Variants in STX12 observed in about 807,000 individuals in gnomAD.
The protein encoded by STX12 is syntaxin-12.
STX12 carries 17 observed loss-of-function variants against 42.2 expected under a neutral mutation model. That is an observed-to-expected ratio of 0.40 (90% CI 0.28 to 0.60). STX12 has a LOEUF of 0.60. Among genes scored for constraint, STX12 ranks in the 20% least tolerant of loss-of-function variants. The probability of loss-of-function intolerance (pLI) is 0.39; values close to 1 mark genes in which losing one functional copy is unlikely to be tolerated. For missense variants in STX12, 297 were observed against 330.9 expected (o/e 0.90, Z 0.79); for synonymous variants, 108 against 116.7 (o/e 0.93, Z 0.48).
chr1:27,804,094 CTT>C (rs1269020735), intron 4 of STX12, among the ~76,000 whole-genome samples: 2 of 152,080 alleles, frequency 1.3e-5, no homozygotes, highest in African/African-American at 4.8e-5. Flanking sequence ...AGTTGTCAAA[CTT>C]TTTAATCTCA....
chr1:27,792,152 G>GTATATACATATATA lies in STX12; in HGVS notation c.189-1380_189-1379insATATACATATATAT, dbSNP rs1319234182. On this transcript the variant is annotated intron_variant, in intron 2 of 8. Transcript: ENST00000373943. ...TCTATATATGTATATATCTATATATGTGTATCTATATATGTATATACATAT... is the reference window on the plus strand; with the variant it reads ...TCTATATATGTATATATCTATATATGTATATACATATATATGTATCTATATATGTATATACATAT... 8.6e-4 allele frequency among the ~76,000 whole-genome samples: 79 copies of GTATATACATATATA among 91,526 alleles called. 18 individuals are homozygous for GTATATACATATATA. Among genetic ancestry groups the GTATATACATATATA allele is most frequent in the African/African-American group, 8.3e-3 (73 of 8,758 alleles). The allele number at this position is 91,526 out of a possible 152,430, so 60.0% of individuals were successfully genotyped here. A position where few individuals can be genotyped will look rare whatever the true frequency, so the allele number is the denominator to read the frequency against.
At chr1:27,776,520 C>A (rs924582152) in intron 1 of STX12, among the ~76,000 whole-genome samples, 3 of 151,980 alleles carry the variant, frequency 2.0e-5, no homozygotes, top group Non-Finnish European at 4.4e-5. Context: ...TTGACACTAG[C>A]CTGGACAACA....
At chr1:27,778,802 C>A (rs1417899095) in intron 1 of STX12, among the ~76,000 whole-genome samples, 3 of 152,144 alleles carry the variant, frequency 2.0e-5, no homozygotes, top group African/African-American at 7.2e-5. Context: ...ACTCTGTCAC[C>A]CAGGCTGGAA....
At chr1:27,804,903 G>C (rs1290389058) in intron 4 of STX12, among the ~76,000 whole-genome samples, 1 of 152,050 alleles carries the variant, frequency 6.6e-6, no homozygotes, top group African/African-American at 2.4e-5. Context: ...AAGGGGTTTT[G>C]TTGACTCACA....
At chr1:27,782,211 C>T (rs555538911) in intron 1 of STX12, among the ~76,000 whole-genome samples, 1 of 152,128 alleles carries the variant, frequency 6.6e-6, no homozygotes, top group African/African-American at 2.4e-5. Context: ...GGGATCCCCC[C>T]ACCTCCACCT....
intron 3 of STX12, among the ~76,000 whole-genome samples, chr1:27,795,070 A>G (rs1294767910): frequency 6.6e-6 from 1 of 152,016 alleles, no homozygotes; most frequent in African/African-American, 2.4e-5. Flanking sequence ...AATGTCCTAT[A>G]TCTGATGGCT....
chr1:27,787,569 G>A (rs1161395924), intron 1 of STX12, among the ~76,000 whole-genome samples: 1 of 152,056 alleles, frequency 6.6e-6, no homozygotes, highest in Non-Finnish European at 1.5e-5. Context: ...TGAGGCAGGA[G>A]AATTGGTTGA....
intron 6 of STX12, among the ~76,000 whole-genome samples, chr1:27,812,732 C>T: frequency 6.6e-6 from 1 of 151,978 alleles, no homozygotes; most frequent in Non-Finnish European, 1.5e-5. Context: ...TGAGTCACCG[C>T]TCCTGGCATG....
At chr1:27,779,517 A>G (rs532114137) in intron 1 of STX12, among the ~76,000 whole-genome samples, 1 of 151,636 alleles carries the variant, frequency 6.6e-6, no homozygotes, top group Non-Finnish European at 1.5e-5. Context: ...ATTTTTATAG[A>G]GACAGGGTTT....
In STX12 at chr1:27,822,975, T is replaced by G. The variant is rs1225266909; in HGVS notation, c.*646T>G. ...AAGTTTACTTCATTATCTGCTAGTG[T>G]CATCCACAGCAGTTCATCCTCATCC... On this transcript the variant is annotated 3_prime_UTR_variant, in exon 9 of 9. Transcript: ENST00000373943. The G allele has an allele frequency of 2.0e-5, 3 of 152,248 alleles. No individual in the cohort carries two copies. Among genetic ancestry groups the G allele is most frequent in the African/African-American group, 7.2e-5 (3 of 41,450 alleles). The allele number at this position is 152,248 out of a possible 1,614,324, so 9.4% of individuals were successfully genotyped here.
At chr1:27,803,587 T>C (rs1481497202) in intron 4 of STX12, among the ~76,000 whole-genome samples, 2 of 152,092 alleles carry the variant, frequency 1.3e-5, no homozygotes, top group African/African-American at 4.8e-5. Context: ...TGATCTCAGA[T>C]GGAAAGTCTG....
At chr1:27,782,528 G>A (rs11804224) in intron 1 of STX12, among the ~76,000 whole-genome samples, 3,355 of 152,028 alleles carry the variant, frequency 0.022, 107 homozygotes, top group African/African-American at 0.075. Context: ...TACTGTTATG[G>A]TACAGTGGCT....
chr1:27,780,341 T>C (rs2088660176), intron 1 of STX12, among the ~76,000 whole-genome samples: 1 of 151,592 alleles, frequency 6.6e-6, no homozygotes, highest in African/African-American at 2.4e-5. Flanking sequence ...CCCCAGTAGC[T>C]GGGATTACAG....
In STX12 at chr1:27,812,157, C is replaced by G; in HGVS notation, c.471-6C>G. On this transcript the variant is annotated splice_region_variant and splice_polypyrimidine_tract_variant and intron_variant, in intron 5 of 8. Transcript: ENST00000373943. ...GAAATCACCTAGTGTGCCTGTTTCC[C>G]TGCAGCCATGAGGAGTGGAACCAGA... 6.4e-7 allele frequency: 1 copy of G among 1,552,932 alleles called. No individual in the cohort carries two copies. The highest frequency in any genetic ancestry group is 8.7e-7 in the Non-Finnish European group (1 of 1,147,378).
At chr1:27,785,963 T>C (rs7548228) in intron 1 of STX12, among the ~76,000 whole-genome samples, 8,071 of 152,212 alleles carry the variant, frequency 0.053, 726 homozygotes, top group African/African-American at 0.18. Flanking sequence ...TGGGGCTAAG[T>C]GGAACACTGG....
intron 1 of STX12, among the ~76,000 whole-genome samples, chr1:27,787,484 C>G (rs1181666654): frequency 6.6e-6 from 1 of 151,972 alleles, no homozygotes; most frequent in African/African-American, 2.4e-5. Context: ...CATGGTGAAA[C>G]CCCATCTCTA....
chr1:27,817,040 AAGAG>A (rs560676178), intron 6 of STX12, among the ~76,000 whole-genome samples: 8 of 146,748 alleles, frequency 5.5e-5, no homozygotes, highest in South Asian at 4.6e-4. Flanking sequence ...GAAGGAAGGA[AAGAG>A]AGGGAGGGAG....
intron 3 of STX12, among the ~76,000 whole-genome samples, chr1:27,797,426 A>G (rs575993024): frequency 6.6e-6 from 1 of 152,092 alleles, no homozygotes; most frequent in South Asian, 2.1e-4. Context: ...TCTTCTTGCC[A>G]TGATTCTCTT....
In STX12 at chr1:27,809,460, C is replaced by CTTTT. The variant is rs561726749; in HGVS notation, c.427-771_427-768dup. 1.5e-5 allele frequency among the ~76,000 whole-genome samples: 2 copies of CTTTT among 130,010 alleles called. 1 individual carries two copies. The highest frequency in any genetic ancestry group is 6.2e-5 in the African/African-American group (2 of 32,198). 85.3% of individuals were successfully genotyped at this position (130,010 alleles called of 152,430 possible). A position where few individuals can be genotyped will look rare whatever the true frequency, so the allele number is the denominator to read the frequency against. ...AACGTTCTCAAAGATCTCATATACT[C>CTTTT]TTTTTTTTTTTTTTTTTTGAGATGG... On this transcript the variant is annotated intron_variant, in intron 4 of 8. Transcript: ENST00000373943.
Sources: allele counts gnomAD v4.1 joint callset (sites outside exome capture counted in the v4.1 genomes callset), GRCh38; gene constraint gnomAD v4.1.1; transcripts MANE v1.5; gene names NCBI Gene and HGNC (gene_info 2026-07-23, HGNC 2026-07-21).